UCKL1: variants seen among roughly 807,000 people sequenced by gnomAD.
The protein encoded by UCKL1 is uridine-cytidine kinase 1 like 1.
A neutral mutation model predicts 59.2 loss-of-function variants in UCKL1; 65 were observed. The observed-to-expected ratio is 1.10, with a 90% confidence interval of 0.90 to 1.35. The LOEUF (loss-of-function observed/expected upper bound fraction) is 1.35, where lower values mean the gene tolerates loss of function less well. Among genes scored for constraint, UCKL1 ranks in the 40% most tolerant of loss-of-function variants. The probability of loss-of-function intolerance (pLI) is 0.00; values close to 1 mark genes in which losing one functional copy is unlikely to be tolerated. For synonymous variants in UCKL1, 410 were observed against 323.1 expected (o/e 1.27, Z -2.88); for missense variants, 703 against 784.3 (o/e 0.90, Z 1.24).
intron 5 of UCKL1, 125 bp downstream of exon 5, chr20:63,945,526 G>C: frequency 1.1e-6 from 1 of 951,746 alleles, no homozygotes; most frequent in Non-Finnish European, 1.6e-6. Flanking sequence ...TTGGGGTAGG[G>C]AGTGGCTGGC....
intron 7 of UCKL1, 37 bp from the exon 8 acceptor site, chr20:63,943,706 G>T: frequency 2.5e-6 from 4 of 1,612,236 alleles, no homozygotes; most frequent in Non-Finnish European, 3.4e-6. Context: ...AGGGAACGGT[G>T]GCGCGTCAGT....
At chr20:63,949,003 G>A (rs557043696) in intron 1 of UCKL1, among the ~76,000 whole-genome samples, 1 of 152,232 alleles carries the variant, frequency 6.6e-6, no homozygotes, top group African/African-American at 2.4e-5. Context: ...AGCCCGACAC[G>A]TGACAGCTCT....
chr20:63,956,379 C>G lies in UCKL1; in HGVS notation c.-7G>C, dbSNP rs745558896. ...GGGCCGGGGGCGCAGCCATGGCGCT[C>G]GGAGGCCTCTTTGCGGGCCTGGCCG... On this transcript the variant is annotated 5_prime_UTR_variant, in exon 1 of 15. Transcript: ENST00000354216. The G allele has an allele frequency of 4.0e-6, 6 of 1,485,072 alleles. No homozygotes were observed. In the East Asian group the frequency reaches 1.7e-4, roughly 41 times the overall value. 92.0% of individuals were successfully genotyped at this position (1,485,072 alleles called of 1,614,324 possible).
Position 63,944,460 on chromosome 20 carries a change from TGGGGCGGGATGGGGGGGCGGGTGACCG to T in UCKL1, c.845-29_845-3del. ...CGATGGCCACCGTGTTGCCGCTCCCTGGGGCGGGATGGGGGGGCGGGTGACCGGGGGCTGGGCCGTTGGCCTGCCCGA... is the reference window on the plus strand; with the variant it reads ...CGATGGCCACCGTGTTGCCGCTCCCTGGGGCTGGGCCGTTGGCCTGCCCGA... On this transcript the variant is annotated splice_polypyrimidine_tract_variant and splice_region_variant and intron_variant, in intron 6 of 14. Transcript: ENST00000354216. 1.0e-6 allele frequency: 1 copy of T among 1,002,248 alleles called. No individual in the cohort carries two copies. The highest frequency in any genetic ancestry group is 1.4e-6 in the Non-Finnish European group (1 of 703,604). The allele number at this position is 1,002,248 out of a possible 1,614,324, so 62.1% of individuals were successfully genotyped here.
rs771547235 is a variant in UCKL1 at position 63,956,381 on chromosome 20, G to A, written c.-9C>T. The stretch of plus-strand genomic sequence containing the variant: ...GCCGGGGGCGCAGCCATGGCGCTCG[G>A]AGGCCTCTTTGCGGGCCTGGCCGGG... On this transcript the variant is annotated 5_prime_UTR_variant, in exon 1 of 15. Coordinates refer to ENST00000354216, the MANE Select transcript of UCKL1 (RefSeq NM_017859.4). 3 of 1,483,170 alleles carry A rather than the reference G, an allele frequency of 2.0e-6. No individual in the cohort carries two copies. Among genetic ancestry groups the A allele is most frequent in the African/African-American group, 2.9e-5 (2 of 68,884 alleles). The allele number at this position is 1,483,170 out of a possible 1,614,324, so 91.9% of individuals were successfully genotyped here.
Position 63,942,360 on chromosome 20 carries a change from G to A in UCKL1, c.924-1152C>T, listed in dbSNP as rs560454590. ...AGGGCAGAAAAGAGGCGTGACAGCG[G>A]CAGGGAAAGGGGCGGGGCAGGAGCA... On this transcript the variant is annotated intron_variant, in intron 8 of 14. Coordinates refer to ENST00000354216, the MANE Select transcript of UCKL1 (RefSeq NM_017859.4). 191 of 1,146,606 alleles carry A rather than the reference G, an allele frequency of 1.7e-4. No individual in the cohort carries two copies. The African/African-American group carries it at 3.0e-3, about 18-fold the overall frequency. 71.0% of individuals were successfully genotyped at this position (1,146,606 alleles called of 1,614,324 possible). A position where few individuals can be genotyped will look rare whatever the true frequency, so the allele number is the denominator to read the frequency against.
intron 1 of UCKL1, among the ~76,000 whole-genome samples, chr20:63,952,916 A>C (rs941926648): frequency 4.6e-5 from 7 of 152,262 alleles, no homozygotes; most frequent in African/African-American, 7.2e-5. Flanking sequence ...CAGATGCCTC[A>C]TCGGTGATCA....
rs187855621 is a variant in UCKL1 at position 63,949,063 on chromosome 20, G to A, written c.114-2420C>T. ...AGCATTTAAAGCAGCAAAGAGACCC[G>A]CCGTCTGCACCTGACGGGGAAAACG... On this transcript the variant is annotated intron_variant, in intron 1 of 14. Coordinates refer to ENST00000354216, the MANE Select transcript of UCKL1 (RefSeq NM_017859.4). 1.2e-4 allele frequency among the ~76,000 whole-genome samples: 18 copies of A among 152,276 alleles called. No homozygotes were observed. In the Middle Eastern group the frequency reaches 0.01, roughly 86 times the overall value.
chr20:63,940,690 G>C lies in UCKL1; in HGVS notation c.1206C>G (p.Ala402=), dbSNP rs2054129578. ...KQITGVSILR[A]GETMEPALRA... ...GCAGCGCGGGCTCCATGGTTTCACC[G>C]GCGCGCAGAATGGACACACCGGTGA... The change falls in exon 12 of 15, where the codon GCC becomes GCG. Residue 402 remains alanine, a synonymous_variant. Transcript: ENST00000354216. The C allele has an allele frequency of 6.2e-7, 1 of 1,608,004 alleles. No individual in the cohort carries two copies. The highest frequency in any genetic ancestry group is 8.5e-7 in the Non-Finnish European group (1 of 1,178,358).
intron 1 of UCKL1, chr20:63,953,690 C>T (rs1398493245): frequency 6.8e-6 from 1 of 147,680 alleles, no homozygotes; most frequent in African/African-American, 2.5e-5. Flanking sequence ...ACTCTATCTC[C>T]AAAAAAAAAA....
Position 63,940,983 on chromosome 20 carries a change from G to A in UCKL1, c.1083C>T (p.Leu361=), listed in dbSNP as rs199557061. The A allele has an allele frequency of 6.5e-6, 10 of 1,530,278 alleles. No homozygotes were observed. The highest frequency in any genetic ancestry group is 2.3e-5 in the East Asian group (1 of 43,914). The allele number at this position is 1,530,278 out of a possible 1,614,324, so 94.8% of individuals were successfully genotyped here. A position where few individuals can be genotyped will look rare whatever the true frequency, so the allele number is the denominator to read the frequency against. Residue 361 remains leucine, a synonymous_variant, in exon 10 of 15, where the codon CTC becomes CTT. Transcript: ENST00000354216. ...GCAGGAAGGAGAGCGCGTGCTCGAT[G>A]AGCAGCCGCATCAGTCTCTTGGAGT... ...IFYSKRLMRL[L]IEHALSFLPF... is the part of the protein sequence containing the mutation.
At chr20:63,950,031 C>T (rs1366016552) in intron 1 of UCKL1, among the ~76,000 whole-genome samples, 1 of 152,228 alleles carries the variant, frequency 6.6e-6, no homozygotes, top group African/African-American at 2.4e-5. Flanking sequence ...AGTAACAACC[C>T]CGTCACCGCA....
chr20:63,940,452 C>T lies in UCKL1; in HGVS notation c.1336G>A (p.Asp446Asn), dbSNP rs746289565. The T allele has an allele frequency of 9.3e-6, 15 of 1,612,236 alleles. 1 individual carries two copies. The South Asian group carries it at 1.6e-4, about 18-fold the overall frequency. The change falls in exon 13 of 15, where the codon GAT (aspartate) becomes AAT (asparagine). Residue 446 changes from aspartate (D) to asparagine (N), a missense_variant. Around this residue, in one of 4 missense-constraint regions of UCKL1, gnomAD observed 124 missense variants for 161.1 expected, o/e 0.77. Coordinates refer to ENST00000354216, the MANE Select transcript of UCKL1 (RefSeq NM_017859.4). ...HYLRLPKDIS[D>N]DHVILMDCTV... ...CAGTCCATGAGGATCACGTGGTCAT[C>T]GCTGATGTCCTTGGGCAGCCTCAGG...
intron 1 of UCKL1, chr20:63,950,651 T>A (rs2057446833): frequency 7.9e-7 from 1 of 1,264,784 alleles, no homozygotes; most frequent in African/African-American, 1.6e-5. Flanking sequence ...CCTGCCAGCC[T>A]GTTTGATTCC....
rs116924273 is a variant in UCKL1, at chr20:63,951,630, C to T, written c.113+4630G>A. Among the ~76,000 whole-genome samples the T allele has an allele frequency of 7.0e-3, 1,071 of 152,088 alleles. 11 individuals are homozygous for T. Among genetic ancestry groups the T allele is most frequent in the Non-Finnish European group, 0.011 (754 of 67,886 alleles). On this transcript the variant is annotated intron_variant, in intron 1 of 14. Transcript: ENST00000354216. The stretch of plus-strand genomic sequence containing the variant: ...GATCCTGCAGGGACCTGCAGCCACC[C>T]AGGGCTCACCACCCAGGGCTCAGCA...
intron 1 of UCKL1, among the ~76,000 whole-genome samples, chr20:63,952,296 C>T (rs1456151882): frequency 6.6e-6 from 1 of 152,216 alleles, no homozygotes; most frequent in Non-Finnish European, 1.5e-5. Context: ...GGGCATGCAC[C>T]CTGGCTGCCC....
At chr20:63,948,398 T>TA (rs1210751267) in intron 1 of UCKL1, 1 of 151,538 alleles carries the variant, frequency 6.6e-6, no homozygotes, top group African/African-American at 2.4e-5. Context: ...AGATGCCAGT[T>TA]ACGCCCGAAA....
chr20:63,947,852 G>C (rs2056659946), intron 1 of UCKL1, among the ~76,000 whole-genome samples: 1 of 152,254 alleles, frequency 6.6e-6, no homozygotes, highest in South Asian at 2.1e-4. Context: ...TACATGCACT[G>C]CACGTGCTGG....
At chr20:63,946,109 A>G in intron 3 of UCKL1, 52 bp downstream of exon 3, 1 of 1,606,350 alleles carries the variant, frequency 6.2e-7, no homozygotes, top group Non-Finnish European at 8.5e-7. Context: ...CAGGGGGTCC[A>G]GGGTCAGGGA....
Sources: gnomAD v4.1 joint callset for allele counts (sites outside exome capture counted in the v4.1 genomes callset) on GRCh38, gnomAD v4.1.1 for gene constraint, gnomAD v4.1.1 regional missense constraint, MANE v1.5 for transcripts, NCBI Gene and HGNC (gene_info 2026-07-23, HGNC 2026-07-21) for gene names.